The following IQCH variants were observed in gnomAD, a reference collection of about 807,000 sequenced individuals.
The protein encoded by IQCH is IQ motif containing H.
A neutral mutation model predicts 117.0 loss-of-function variants in IQCH; 98 were observed. The ratio of observed to expected loss-of-function variants is 0.84; its 90% CI spans 0.71 to 0.99. IQCH has a LOEUF of 0.99. IQCH is among the 50% of genes least tolerant of loss of function. The probability of loss-of-function intolerance (pLI) is 0.00; values close to 1 mark genes in which losing one functional copy is unlikely to be tolerated. For synonymous variants in IQCH, 412 were observed against 448.2 expected (o/e 0.92, Z 1.02); for missense variants, 1,102 against 1,243.8 (o/e 0.89, Z 1.72).
chr15:67,465,325 C>T lies in IQCH; in HGVS notation c.2676+28C>T. On this transcript the variant is annotated intron_variant, in intron 17 of 20. Coordinates refer to ENST00000335894, the MANE Select transcript of IQCH (RefSeq NM_001031715.3). The surrounding 1 kb of genome is among the most constrained non-coding windows in gnomAD (Gnocchi z 5.9). The stretch of plus-strand genomic sequence containing the variant: ...AAGCAAGAGGTGCTTCCTGAAGGTT[C>T]TCGGTGTTCAGCAACACCCACTGCC... 1.2e-6 allele frequency: 2 copies of T among 1,604,746 alleles called. No individual in the cohort carries two copies. The highest frequency in any genetic ancestry group is 1.7e-6 in the Non-Finnish European group (2 of 1,178,544).
chr15:67,477,754 A>T (rs2083240596), intron 18 of IQCH, among the ~76,000 whole-genome samples: 1 of 152,202 alleles, frequency 6.6e-6, no homozygotes. Flanking sequence ...ATCAAAGTAG[A>T]ACAACTCTGT....
rs945533842 is a variant in IQCH, at chr15:67,391,642, C to T, written c.1632+2636C>T. On this transcript the variant is annotated intron_variant, in intron 12 of 20. Coordinates refer to ENST00000335894, the MANE Select transcript of IQCH (RefSeq NM_001031715.3). This position sits in a 1 kb window ranked among gnomAD's most constrained non-coding sequence, Gnocchi z 4.3. ...GTAGCCATAATTCAATGGAACTAGA[C>T]ACATTTTAGATTTTGTCATCTGTGT... Among the ~76,000 whole-genome samples, 7 of 152,114 alleles carry T rather than the reference C, an allele frequency of 4.6e-5. No individual in the cohort carries two copies. Among genetic ancestry groups the T allele is most frequent in the African/African-American group, 1.7e-4 (7 of 41,420 alleles).
At chr15:67,398,890 G>A (rs1228221142) in intron 13 of IQCH, among the ~76,000 whole-genome samples, 1 of 152,124 alleles carries the variant, frequency 6.6e-6, no homozygotes, top group Non-Finnish European at 1.5e-5. Context: ...AGTATAGACT[G>A]GAAAGTCTGA....
intron 4 of IQCH, among the ~76,000 whole-genome samples, chr15:67,324,809 C>CT (rs1968331485): frequency 6.6e-6 from 1 of 152,034 alleles, no homozygotes; most frequent in African/African-American, 2.4e-5. Context: ...TATAATGGAT[C>CT]TTTTTTTCTT....
intron 8 of IQCH, among the ~76,000 whole-genome samples, chr15:67,361,174 G>A (rs1358807982): frequency 1.3e-5 from 2 of 152,188 alleles, no homozygotes; most frequent in Non-Finnish European, 2.9e-5. Flanking sequence ...TGTGCTCTCT[G>A]CCTGTTCCAG....
Position 67,476,710 on chromosome 15 carries a change from C to G in IQCH, c.2799+892C>G, listed in dbSNP as rs2083209081. 6.6e-6 allele frequency among the ~76,000 whole-genome samples: 1 copy of G among 152,154 alleles called. No homozygotes were observed. Among genetic ancestry groups the G allele is most frequent in the Non-Finnish European group, 1.5e-5 (1 of 68,030 alleles). The stretch of plus-strand genomic sequence containing the variant: ...AACCTCTGTTTTATGCCTAGAGACT[C>G]ATGTTACTCCAGAAAAATAGTTTCA... On this transcript the variant is annotated intron_variant, in intron 18 of 20. Coordinates refer to ENST00000335894, the MANE Select transcript of IQCH (RefSeq NM_001031715.3). The surrounding 1 kb of genome is among the most constrained non-coding windows in gnomAD (Gnocchi z 4.1).
rs543904324 is a variant in IQCH at position 67,370,900 on chromosome 15, G to A, written c.754-1211G>A. On this transcript the variant is annotated intron_variant, in intron 8 of 20. Coordinates refer to ENST00000335894, the MANE Select transcript of IQCH (RefSeq NM_001031715.3). This position sits in a 1 kb window ranked among gnomAD's most constrained non-coding sequence, Gnocchi z 5.6. ...CAGGACCGGAGAAAAGAAAACGCGT[G>A]AATAATCTGATATAGTAATACTCAA... 1.3e-5 allele frequency among the ~76,000 whole-genome samples: 2 copies of A among 150,216 alleles called. No homozygotes were observed. The highest frequency in any genetic ancestry group is 2.1e-4 in the South Asian group (1 of 4,712).
chr15:67,340,618 A>G (rs1168421203), intron 5 of IQCH, among the ~76,000 whole-genome samples: 1 of 152,178 alleles, frequency 6.6e-6, no homozygotes, highest in Non-Finnish European at 1.5e-5. Context: ...TGAAAAGTAG[A>G]GACTCAATCA....
rs1176570343 is a variant in IQCH, at chr15:67,467,561, T to G, written c.2676+2264T>G. Among the ~76,000 whole-genome samples the G allele has an allele frequency of 1.3e-5, 2 of 152,254 alleles. No homozygotes were observed. The highest frequency in any genetic ancestry group is 3.8e-4 in the East Asian group (2 of 5,200). On this transcript the variant is annotated intron_variant, in intron 17 of 20. Coordinates refer to ENST00000335894, the MANE Select transcript of IQCH (RefSeq NM_001031715.3). This position sits in a 1 kb window ranked among gnomAD's most constrained non-coding sequence, Gnocchi z 5.7. ...AATAAATTGAAAGGGCTTTTCATTTTAGAAAGATACAGATGTTCCCACCCT... is the reference window on the plus strand; with the variant it reads ...AATAAATTGAAAGGGCTTTTCATTTGAGAAAGATACAGATGTTCCCACCCT...
chr15:67,466,981 T>G lies in IQCH; in HGVS notation c.2676+1684T>G, dbSNP rs1043757598. 2 of 152,874 alleles carry G rather than the reference T, an allele frequency of 1.3e-5. No homozygotes were observed. The highest frequency in any genetic ancestry group is 4.8e-5 in the African/African-American group (2 of 41,454). The allele number at this position is 152,874 out of a possible 1,614,324, so 9.5% of individuals were successfully genotyped here. On this transcript the variant is annotated intron_variant, in intron 17 of 20. Transcript: ENST00000335894. The surrounding 1 kb of genome is among the most constrained non-coding windows in gnomAD (Gnocchi z 4.4). ...GCTCACGCCTGTAATCCCAGCACTT[T>G]GGGAGGCCGAGGCGGGCAGATCATT...
intron 16 of IQCH, among the ~76,000 whole-genome samples, chr15:67,437,628 C>A (rs2082170146): frequency 6.6e-6 from 1 of 151,818 alleles, no homozygotes; most frequent in African/African-American, 2.4e-5. Flanking sequence ...AAGGTGAAGC[C>A]CAATGCAAGG....
In IQCH at chr15:67,350,672, C is replaced by T. The variant is rs184143751; in HGVS notation, c.637+6481C>T. Among the ~76,000 whole-genome samples, 152 of 152,224 alleles carry T rather than the reference C, an allele frequency of 1.0e-3. 1 individual carries two copies. Among genetic ancestry groups the T allele is most frequent in the African/African-American group, 3.6e-3 (148 of 41,532 alleles). Reference sequence around the variant, plus strand: ...CAATCTCCTGACCTCGTGATCCACTCGCCTAGGCCTCCCACAGTGCTGGGA... The same window carrying T: ...CAATCTCCTGACCTCGTGATCCACTTGCCTAGGCCTCCCACAGTGCTGGGA... On this transcript the variant is annotated intron_variant, in intron 6 of 20. Coordinates refer to ENST00000335894, the MANE Select transcript of IQCH (RefSeq NM_001031715.3).
chr15:67,266,686 A>G (rs1485052758), intron 3 of IQCH, among the ~76,000 whole-genome samples: 1 of 151,964 alleles, frequency 6.6e-6, no homozygotes, highest in African/African-American at 2.4e-5. Context: ...AAGACATCAT[A>G]CTCTATACTT....
At chr15:67,297,918 T>C (rs534773173) in intron 4 of IQCH, among the ~76,000 whole-genome samples, 1 of 151,982 alleles carries the variant, frequency 6.6e-6, no homozygotes, top group South Asian at 2.1e-4. Flanking sequence ...GGAGAAAATA[T>C]TTGCAAACTA....
rs7179376 is a variant in IQCH at position 67,481,695 on chromosome 15, A to G, written c.2799+5877A>G. Among the ~76,000 whole-genome samples, 106,424 of 152,140 alleles carry G rather than the reference A, an allele frequency of 0.7. 37,702 individuals are homozygous for G. Among genetic ancestry groups the G allele is most frequent in the Middle Eastern group, 0.82 (240 of 294 alleles). Reference sequence around the variant, plus strand: ...AACTGAAATTAAGAGAGAGGCATAGAAGCAAGAAAGCAAAGAAATATAGAA... The same window carrying G: ...AACTGAAATTAAGAGAGAGGCATAGGAGCAAGAAAGCAAAGAAATATAGAA... On this transcript the variant is annotated intron_variant, in intron 18 of 20. Coordinates refer to ENST00000335894, the MANE Select transcript of IQCH (RefSeq NM_001031715.3). This position sits in a 1 kb window ranked among gnomAD's most constrained non-coding sequence, Gnocchi z 4.1.
intron 4 of IQCH, among the ~76,000 whole-genome samples, chr15:67,289,159 C>T (rs919224475): frequency 1.3e-5 from 2 of 151,980 alleles, no homozygotes; most frequent in Non-Finnish European, 2.9e-5. Context: ...TGCTAAGATT[C>T]TATAATGTGA....
At chr15:67,351,767 G>C (rs963195631) in intron 6 of IQCH, among the ~76,000 whole-genome samples, 1 of 151,904 alleles carries the variant, frequency 6.6e-6, no homozygotes, top group Non-Finnish European at 1.5e-5. Flanking sequence ...ATAGCATTTT[G>C]TCTGTTAATA....
rs182267464 is a variant in IQCH at position 67,274,989 on chromosome 15, G to A, written c.270-4406G>A. ...CTGGCAATGTGGGTCAGCTGGCCAA[G>A]GGTTTGTGCCAAGGGGACCTGTGGA... On this transcript the variant is annotated intron_variant, in intron 3 of 20. Coordinates refer to ENST00000335894, the MANE Select transcript of IQCH (RefSeq NM_001031715.3). Among the ~76,000 whole-genome samples the A allele has an allele frequency of 6.8e-4, 104 of 152,290 alleles. 4 individuals carry two copies. In the East Asian group the frequency reaches 0.012, roughly 18 times the overall value.
At chr15:67,423,331 C>T (rs755497983) in intron 16 of IQCH, among the ~76,000 whole-genome samples, 4 of 151,742 alleles carry the variant, frequency 2.6e-5, no homozygotes, top group East Asian at 1.9e-4. Context: ...TTTGGGAGGC[C>T]GAAGCAGGCA....
Sources: gnomAD v4.1 joint callset for allele counts (sites outside exome capture counted in the v4.1 genomes callset) on GRCh38, gnomAD v4.1.1 for gene constraint, Gnocchi (gnomAD v3.1) non-coding constraint, MANE v1.5 for transcripts, NCBI Gene and HGNC (gene_info 2026-07-23, HGNC 2026-07-21) for gene names.